CRISP1: variants seen among roughly 807,000 people sequenced by gnomAD.
CRISP1 encodes cysteine-rich secretory protein 1.
A neutral mutation model predicts 33.1 loss-of-function variants in CRISP1; 44 were observed. That is an observed-to-expected ratio of 1.33 (90% confidence interval 1.05 to 1.71). The LOEUF is 1.71. CRISP1 is among the 40% of genes most tolerant of loss of function. CRISP1 has a pLI of 0.00. For missense variants in CRISP1, 390 were observed against 301.2 expected (o/e 1.29, Z -2.18); for synonymous variants, 103 against 98.7 (o/e 1.04, Z -0.26).
At chr6:49,868,976 T>C (rs1771863159), upstream of CRISP1, among the ~76,000 whole-genome samples, 1 of 152,166 alleles carries the variant, frequency 6.6e-6, no homozygotes, top group Non-Finnish European at 1.5e-5. Flanking sequence ...TTCTACAATT[T>C]ATAGCTTTCA....
chr6:49,876,785 C>T (rs549961913), intron 1 of CRISP1, among the ~76,000 whole-genome samples: 5 of 152,024 alleles, frequency 3.3e-5, no homozygotes, highest in African/African-American at 1.2e-4. Flanking sequence ...AACACAGGAA[C>T]AGAAAACCAA....
intron 5 of CRISP1, among the ~76,000 whole-genome samples, chr6:49,841,419 C>T (rs1315371646): frequency 3.3e-5 from 5 of 152,136 alleles, no homozygotes; most frequent in Non-Finnish European, 5.9e-5. Flanking sequence ...TATGAACAGG[C>T]TGATGTTCAA....
intron 1 of CRISP1, among the ~76,000 whole-genome samples, chr6:49,864,384 CTGTGTGTGTGTGTG>C (rs3997164): frequency 7.0e-6 from 1 of 142,268 alleles, no homozygotes; most frequent in South Asian, 2.3e-4. Context: ...TTGCTATTCA[CTGTGTGTGTGTGTG>C]TGTGTGTGTG....
intron 6 of CRISP1, among the ~76,000 whole-genome samples, chr6:49,838,986 C>T (rs1325563091): frequency 6.6e-6 from 1 of 152,052 alleles, no homozygotes; most frequent in Non-Finnish European, 1.5e-5. Context: ...CCATCTTGCA[C>T]TATGTTATAA....
chr6:49,870,790 A>T (rs1314718201), upstream of CRISP1, among the ~76,000 whole-genome samples: 1 of 152,100 alleles, frequency 6.6e-6, no homozygotes, highest in Non-Finnish European at 1.5e-5. Context: ...TGTAGACTTC[A>T]GTTAGGGTTT....
intron 5 of CRISP1, among the ~76,000 whole-genome samples, chr6:49,845,603 G>A (rs971655968): frequency 4.6e-5 from 7 of 151,868 alleles, no homozygotes; most frequent in African/African-American, 1.7e-4. Context: ...ATTCACATAT[G>A]ATCCAGTAAT....
chr6:49,858,742 T>G (rs573140918), intron 1 of CRISP1, among the ~76,000 whole-genome samples: 7 of 152,160 alleles, frequency 4.6e-5, no homozygotes, highest in African/African-American at 1.7e-4. Flanking sequence ...TCAAAAAATC[T>G]AGTAAAGCAG....
intron 6 of CRISP1, among the ~76,000 whole-genome samples, chr6:49,840,208 G>A (rs1770938373): frequency 6.6e-6 from 1 of 152,294 alleles, no homozygotes; most frequent in African/African-American, 2.4e-5. Flanking sequence ...CGTCACTGGA[G>A]CCACACAGTT....
intron 4 of CRISP1, 57 bp downstream of exon 4, chr6:49,848,152 G>A (rs1186493422): frequency 1.4e-5 from 14 of 970,446 alleles, no homozygotes; most frequent in Admixed American, 4.8e-5. Context: ...AACAATCCCT[G>A]TTTTACTATT....
chr6:49,858,631 T>G (rs1771560413), intron 1 of CRISP1, among the ~76,000 whole-genome samples: 1 of 152,206 alleles, frequency 6.6e-6, no homozygotes, highest in African/African-American at 2.4e-5. Context: ...CTATTTCCTT[T>G]CCTTTCTTTC....
At chr6:49,838,248 T>C (rs1770866259) in intron 7 of CRISP1, among the ~76,000 whole-genome samples, 189 bp downstream of exon 7, 1 of 152,192 alleles carries the variant, frequency 6.6e-6, no homozygotes. Flanking sequence ...TGTAATTTCC[T>C]TTGCCATAGG....
upstream of CRISP1, among the ~76,000 whole-genome samples, chr6:49,870,055 A>T (rs1771886786): frequency 6.6e-6 from 1 of 152,168 alleles, no homozygotes; most frequent in Non-Finnish European, 1.5e-5. Flanking sequence ...TGAGAAATAA[A>T]TTTTTGTTTT....
intron 7 of CRISP1, among the ~76,000 whole-genome samples, chr6:49,836,583 C>T (rs796766208): frequency 3.9e-5 from 6 of 152,162 alleles, no homozygotes; most frequent in African/African-American, 1.2e-4. Context: ...TCGTGATCCG[C>T]CCGCCTCGGC....
intron 5 of CRISP1, among the ~76,000 whole-genome samples, chr6:49,842,236 C>T (rs777131174): frequency 2.0e-5 from 3 of 152,094 alleles, no homozygotes; most frequent in Non-Finnish European, 4.4e-5. Context: ...CAGGTTCTTA[C>T]TAACATTTTC....
chr6:49,850,455 C>G (rs1354232291), intron 3 of CRISP1, among the ~76,000 whole-genome samples: 1 of 151,942 alleles, frequency 6.6e-6, no homozygotes, highest in Non-Finnish European at 1.5e-5. Context: ...CCAGCTTTAA[C>G]AAGTGACTCT....
At position 49,859,609 on chromosome 6, in the gene CRISP1, T is replaced by A. The variant is rs139698444; in HGVS notation, c.-2-2207A>T. ...ACCATCATGAAAACACACAAAAGTA[T>A]TAAACCCACTGGTAGAGCAAACACA... On this transcript the variant is annotated intron_variant, in intron 1 of 7. Transcript: ENST00000335847. Among the ~76,000 whole-genome samples the A allele has an allele frequency of 4.7e-4, 71 of 151,976 alleles. 1 individual carries two copies. Among genetic ancestry groups the A allele is most frequent in the African/African-American group, 1.6e-3 (66 of 41,478 alleles).
intron 4 of CRISP1, 115 bp from the exon 5 acceptor site, chr6:49,846,783 C>T (rs1771188504): frequency 1.0e-6 from 1 of 977,606 alleles, no homozygotes; most frequent in African/African-American, 1.7e-5. Flanking sequence ...ACAACATCTT[C>T]TGAGAGGGAG....
chr6:49,871,587 C>G (rs1023463079), intron 1 of CRISP1, among the ~76,000 whole-genome samples: 1 of 117,590 alleles, frequency 8.5e-6, no homozygotes, highest in African/African-American at 3.3e-5. Context: ...GTGTGATGTT[C>G]CCCTTCCTGT....
rs534101428 is a variant in CRISP1, at chr6:49,854,229, C to T, written c.67-2100G>A. Among the ~76,000 whole-genome samples, 169 of 152,276 alleles carry T rather than the reference C, an allele frequency of 1.1e-3. 1 individual carries two copies. Among genetic ancestry groups the T allele is most frequent in the Middle Eastern group, 3.4e-3 (1 of 294 alleles). On this transcript the variant is annotated intron_variant, in intron 2 of 7. Coordinates refer to ENST00000335847, the MANE Select transcript of CRISP1 (RefSeq NM_001131.3). Reference sequence around the variant, plus strand: ...GTCATTCTTTCTAATCTTTCTAAGGCTCAATTCTCCAACAGTGTTATTTAG... The same window carrying T: ...GTCATTCTTTCTAATCTTTCTAAGGTTCAATTCTCCAACAGTGTTATTTAG...
Sources: allele counts gnomAD v4.1 joint callset (sites outside exome capture counted in the v4.1 genomes callset), GRCh38; gene constraint gnomAD v4.1.1; transcripts MANE v1.5; gene names NCBI Gene and HGNC (gene_info 2026-07-23, HGNC 2026-07-21).